The following KLF12 variants were observed in gnomAD, a reference collection of about 807,000 sequenced individuals.
KLF12 encodes the protein KLF transcription factor 12.
Under a neutral mutation model 37.8 loss-of-function variants are expected in KLF12, and 9 were observed. That is an observed-to-expected ratio of 0.24 (90% CI 0.14 to 0.42). The LOEUF is 0.42. KLF12 is among the 10% of genes least tolerant of loss of function. The pLI, the probability that KLF12 is intolerant of heterozygous loss-of-function variation, is 1.00. For synonymous variants in KLF12, 208 were observed against 202.1 expected (o/e 1.03, Z -0.25); for missense variants, 411 against 516.0 (o/e 0.80, Z 1.97).
At chr13:74,089,629 AG>A (rs894265727) in intron 1 of KLF12, among the ~76,000 whole-genome samples, 2 of 152,106 alleles carry the variant, frequency 1.3e-5, no homozygotes, top group African/African-American at 4.8e-5. Flanking sequence ...CAGGTACGCA[AG>A]GTTGGTTTAA....
the KLF12 span, among the ~76,000 whole-genome samples, chr13:74,184,902 T>C: frequency 1.3e-5 from 2 of 152,260 alleles, no homozygotes; most frequent in Non-Finnish European, 2.9e-5. Flanking sequence ...GTATAATTTG[T>C]TACTTCAGTA....
At chr13:74,116,990 C>G (rs1247140877) in intron 1 of KLF12, among the ~76,000 whole-genome samples, 1 of 152,058 alleles carries the variant, frequency 6.6e-6, no homozygotes, top group Non-Finnish European at 1.5e-5. Flanking sequence ...CTACTCTTAT[C>G]GCAACATAAG....
chr13:74,062,339 C>T (rs1873644445), intron 1 of KLF12, among the ~76,000 whole-genome samples: 1 of 152,144 alleles, frequency 6.6e-6, no homozygotes, highest in South Asian at 2.1e-4. Flanking sequence ...TGTATCTGGA[C>T]TTTTTCTAAG....
rs144840827 is a variant in KLF12, at chr13:74,133,781, TCA to T, written c.-76_-75del. Among the ~76,000 whole-genome samples the T allele has an allele frequency of 8.9e-4, 134 of 150,270 alleles. 1 individual carries two copies. The East Asian group carries it at 0.017, about 19-fold the overall frequency. On this transcript the variant is annotated 5_prime_UTR_variant, in exon 1 of 8. Transcript: ENST00000377669. Reference sequence around the variant, plus strand: ...AGCAGGAGAAATTGTTTTCTTTCCCTCACACAGAGTCCCCCTCTCTCTCTCCC... The same window carrying T: ...AGCAGGAGAAATTGTTTTCTTTCCCTCACAGAGTCCCCCTCTCTCTCTCCC...
the KLF12 span, among the ~76,000 whole-genome samples, chr13:74,220,861 G>A: frequency 6.6e-5 from 10 of 152,090 alleles, no homozygotes; most frequent in Admixed American, 2.6e-4. Flanking sequence ...CTTTTTAAAC[G>A]CCGAATAGCA....
chr13:73,900,640 A>C lies in KLF12; in HGVS notation c.123+43341T>G, dbSNP rs1433142739. 2.0e-5 allele frequency among the ~76,000 whole-genome samples: 3 copies of C among 152,270 alleles called. No homozygotes were observed. In the East Asian group the frequency reaches 5.8e-4, roughly 29 times the overall value. Reference sequence around the variant, plus strand: ...CCTGTATTCTCTCATTTAAAAAAAAAAACTAATCGTGCATAGTAAAAAAAT... The same window carrying C: ...CCTGTATTCTCTCATTTAAAAAAAACAACTAATCGTGCATAGTAAAAAAAT... On this transcript the variant is annotated intron_variant, in intron 3 of 7. Transcript: ENST00000377669.
At chr13:73,831,471 T>C (rs1224741903) in intron 4 of KLF12, among the ~76,000 whole-genome samples, 1 of 152,216 alleles carries the variant, frequency 6.6e-6, no homozygotes, top group Non-Finnish European at 1.5e-5. Flanking sequence ...ATTTATTACA[T>C]ACTTTGCTAC....
At position 73,858,045 on chromosome 13, in the gene KLF12, GT is replaced by G. The variant is rs1885697393; in HGVS notation, c.124-11673del. ...AAAATGTTCTGGAATGTTAACAATAGTTTTTCCATTAAGTGAATTTGTGGGT... is the reference window on the plus strand; with the variant it reads ...AAAATGTTCTGGAATGTTAACAATAGTTTTCCATTAAGTGAATTTGTGGGT... On this transcript the variant is annotated intron_variant, in intron 3 of 7. Transcript: ENST00000377669. Among the ~76,000 whole-genome samples, 3 of 152,188 alleles carry G rather than the reference GT, an allele frequency of 2.0e-5. No homozygotes were observed. The South Asian group carries it at 6.2e-4, about 32-fold the overall frequency.
intron 3 of KLF12, among the ~76,000 whole-genome samples, chr13:73,847,288 C>T (rs1180847623): frequency 6.6e-6 from 1 of 152,084 alleles, no homozygotes; most frequent in African/African-American, 2.4e-5. Flanking sequence ...ATTTTGGTTA[C>T]ATCTGTTTGG....
chr13:73,776,880 G>T (rs900747369), intron 5 of KLF12, among the ~76,000 whole-genome samples: 3 of 152,094 alleles, frequency 2.0e-5, no homozygotes, highest in Non-Finnish European at 4.4e-5. Context: ...TGATTAAAAT[G>T]CACCTGCCAA....
chr13:74,045,519 A>G (rs1349309970), intron 1 of KLF12, among the ~76,000 whole-genome samples: 1 of 152,104 alleles, frequency 6.6e-6, no homozygotes, highest in Non-Finnish European at 1.5e-5. Flanking sequence ...GGATCCTGGA[A>G]CTCAAAAGGG....
intron 4 of KLF12, among the ~76,000 whole-genome samples, chr13:73,829,945 C>G (rs1363740606): frequency 6.6e-6 from 1 of 152,102 alleles, no homozygotes; most frequent in Non-Finnish European, 1.5e-5. Context: ...TATATCAGAT[C>G]ACACAAAATT....
intron 3 of KLF12, among the ~76,000 whole-genome samples, chr13:73,869,935 G>A (rs1003408922): frequency 6.6e-6 from 1 of 152,146 alleles, no homozygotes; most frequent in African/African-American, 2.4e-5. Context: ...GTAGAGCCAC[G>A]CTGATTCCTT....
chr13:74,130,112 G>C (rs1457890106), intron 1 of KLF12, among the ~76,000 whole-genome samples: 3 of 152,246 alleles, frequency 2.0e-5, no homozygotes, highest in Non-Finnish European at 4.4e-5. Context: ...TTTGGGAGGA[G>C]TGGTTGTGGT....
chr13:74,300,029 A>G, the KLF12 span, among the ~76,000 whole-genome samples: 1 of 152,158 alleles, frequency 6.6e-6, no homozygotes, highest in African/African-American at 2.4e-5. Flanking sequence ...TGTAAAGAGT[A>G]TCCCTAATGG....
At chr13:74,017,258 T>TAAAAAAAAAAAA (rs56321692) in intron 1 of KLF12, among the ~76,000 whole-genome samples, 2 of 45,608 alleles carry the variant, frequency 4.4e-5, no homozygotes, top group African/African-American at 1.8e-4. Context: ...GCCCTCAACC[T>TAAAAAAAAAAAA]AAAAAAAAAA....
intron 3 of KLF12, among the ~76,000 whole-genome samples, chr13:73,906,215 A>T (rs1294381429): frequency 1.3e-5 from 2 of 152,134 alleles, no homozygotes; most frequent in African/African-American, 4.8e-5. Flanking sequence ...ATTTTTGTTT[A>T]TCCTACTTGG....
At chr13:73,749,529 T>C (rs1221629561) in intron 6 of KLF12, among the ~76,000 whole-genome samples, 1 of 152,194 alleles carries the variant, frequency 6.6e-6, no homozygotes, top group Non-Finnish European at 1.5e-5. Context: ...GGGGTGATGC[T>C]TTTTTATTGG....
chr13:73,750,706 G>C (rs1594046343), intron 6 of KLF12, among the ~76,000 whole-genome samples: 1 of 152,148 alleles, frequency 6.6e-6, no homozygotes, highest in East Asian at 1.9e-4. Context: ...GTGTACCATG[G>C]TGATTAGCTG....
Sources: allele counts gnomAD v4.1 joint callset (sites outside exome capture counted in the v4.1 genomes callset), GRCh38; gene constraint gnomAD v4.1.1; transcripts MANE v1.5; gene names NCBI Gene and HGNC (gene_info 2026-07-23, HGNC 2026-07-21).